Variants in PERM1 observed in about 807,000 individuals in gnomAD.
PERM1 encodes PGC-1 and ERR-induced regulator in muscle protein 1.
Under a neutral mutation model 44.1 loss-of-function variants are expected in PERM1, and 45 were observed. That is an observed-to-expected ratio of 1.02 (90% CI 0.80 to 1.31). PERM1 has a LOEUF of 1.31. PERM1 is among the 50% of genes most tolerant of loss of function. The probability of loss-of-function intolerance (pLI) is 0.00; values close to 1 mark genes in which losing one functional copy is unlikely to be tolerated. For synonymous variants in PERM1, 565 were observed against 477.1 expected, an observed-to-expected ratio of 1.18 and a Z score of -2.40; for missense variants, 1,189 against 1,106.9, an observed-to-expected ratio of 1.07 and a Z score of -1.05.
At chr1:976,751 C>A in intron 1 of PERM1, 127 bp from the exon 3 acceptor site, 1 of 516,882 alleles carries the variant, frequency 1.9e-6, no homozygotes, top group South Asian at 2.8e-5. Context: ...CCCCCGCCAA[C>A]CCCGGGAACC....
intron 1 of PERM1, 25 bp downstream of exon 2, chr1:978,856 G>A: frequency 6.9e-7 from 1 of 1,452,606 alleles, no homozygotes; most frequent in South Asian, 1.4e-5. Flanking sequence ...GATCTGGACG[G>A]GCTGTGGGAT....
At chr1:975,982 C>T (rs1053984140) in exon 3 of PERM1, 3 of 599,048 alleles carry the variant, frequency 5.0e-6, no homozygotes, top group South Asian at 2.2e-5. Context: ...CCCTCCCAGG[C>T]GTGGGGAGTG....
exon 3 of PERM1, chr1:975,365 C>G (rs1419280927): frequency 6.6e-6 from 1 of 152,478 alleles, no homozygotes; most frequent in Non-Finnish European, 1.5e-5. Context: ...TCTGACTCCT[C>G]TTGGCTGTGG....
exon 1 of PERM1, chr1:979,876 G>A (rs1239877026): frequency 6.5e-7 from 1 of 1,549,376 alleles, no homozygotes; most frequent in Non-Finnish European, 8.7e-7. Flanking sequence ...TGTAGACAGA[G>A]CCACACTGGA....
exon 1 of PERM1, chr1:980,147 T>C (rs1359156018): frequency 1.3e-6 from 2 of 1,550,238 alleles, no homozygotes; most frequent in Non-Finnish European, 1.7e-6. Context: ...ATGTCTGACT[T>C]AGCCCTTGAG....
chr1:979,727 CAGCCTCCGAGACAGGTGGAGATGA>C, exon 1 of PERM1: 1 of 1,550,338 alleles, frequency 6.5e-7, no homozygotes, highest in Non-Finnish European at 8.7e-7. Context: ...ATCCTCGGCA[CAGCCTCCGAGACAGGTGGAGATGA>C]AGCCACCTCT....
exon 1 of PERM1, chr1:980,273 A>C: frequency 3.2e-6 from 5 of 1,550,364 alleles, no homozygotes; most frequent in Non-Finnish European, 4.4e-6. Context: ...GACAGGCCCA[A>C]ACCTGGCCCT....
At chr1:979,905 T>C (rs1487907961) in exon 1 of PERM1, 2 of 1,549,950 alleles carry the variant, frequency 1.3e-6, no homozygotes, top group African/African-American at 2.7e-5. Context: ...CAGAAGCTGG[T>C]GTAGACACAG....
intron 1 of PERM1, 100 bp downstream of exon 2, chr1:978,781 A>AGCCCGGCCT: frequency 8.4e-7 from 1 of 1,183,994 alleles, no homozygotes; most frequent in Non-Finnish European, 1.1e-6. Flanking sequence ...GGATGACCCA[A>AGCCCGGCCT]GCCCGGCCTG....
In PERM1 at chr1:979,418, G is replaced by C. The variant is rs763464755; in HGVS notation, c.1612C>G (p.Pro538Ala). Residue 538 changes from proline (P) to alanine (A), a missense_variant, in exon 1 of 3, where the codon CCC becomes GCC. Physicochemically the swap from Pro to Ala is conservative, Grantham distance 27. Around this residue, in one of 3 missense-constraint regions of PERM1, gnomAD observed 900 missense variants for 760.4 expected, o/e 1.18. Coordinates refer to ENST00000433179, the Ensembl canonical transcript of PERM1. ...ACAGCCACAGCCTCCCAGGCTCCGG[G>C]CCCCCCGTGGGCCCCAGTTGCTGTC... The C allele has an allele frequency of 1.9e-4, 286 of 1,525,610 alleles. 1 individual carries two copies. In the East Asian group the frequency reaches 6.3e-3, roughly 34 times the overall value. The allele number at this position is 1,525,610 out of a possible 1,614,324, so 94.5% of individuals were successfully genotyped here.
At chr1:979,318 C>G in exon 1 of PERM1, 1 of 1,535,100 alleles carries the variant, frequency 6.5e-7, no homozygotes, top group South Asian at 1.2e-5. Context: ...GCTCCCGGGC[C>G]CGACCCTCGT....
chr1:979,166 C>T, exon 1 of PERM1: 1 of 1,550,080 alleles, frequency 6.5e-7, no homozygotes, highest in Non-Finnish European at 8.7e-7. Context: ...GCTCCAACGT[C>T]TGGGAAGAAG....
At chr1:981,059 C>G (rs886896485), upstream of PERM1, 9 of 1,543,376 alleles carry the variant, frequency 5.8e-6, no homozygotes, top group African/African-American at 1.4e-5. Context: ...TGGAGGGTAG[C>G]AGAATGGGTC....
chr1:980,209 C>T (rs576645567), exon 1 of PERM1: 71 of 1,550,402 alleles, frequency 4.6e-5, no homozygotes, highest in Admixed American at 7.8e-5. Context: ...CAGCTTGGCT[C>T]GGCGCGGGGT....
chr1:981,523 A>T (rs1643792673), upstream of PERM1, among the ~76,000 whole-genome samples: 2 of 152,210 alleles, frequency 1.3e-5, no homozygotes, highest in Admixed American at 6.5e-5. Flanking sequence ...GCCCTGGTCC[A>T]TCCCAGTGCG....
chr1:976,313 C>T (rs1031436993), intron 2 of PERM1, 44 bp from the exon 4 acceptor site: 10 of 1,468,460 alleles, frequency 6.8e-6, no homozygotes, highest in Non-Finnish European at 9.0e-6. Flanking sequence ...GCCTGGCTGT[C>T]GGCACCGTCT....
chr1:976,371 G>C (rs2100493838), intron 2 of PERM1, 102 bp from the exon 4 acceptor site: 2 of 1,487,972 alleles, frequency 1.3e-6, no homozygotes, highest in African/African-American at 1.4e-5. Context: ...GGTGCGGCCA[G>C]GGCCGCAGCT....
exon 3 of PERM1, chr1:975,849 A>C: frequency 3.1e-6 from 1 of 322,388 alleles, no homozygotes. Context: ...CTTCTTAGTA[A>C]AATGACCTCC....
chr1:979,055 C>T lies in PERM1; in HGVS notation c.1975G>A (p.Val659Ile), dbSNP rs771873640. 1.6e-5 allele frequency: 24 copies of T among 1,546,414 alleles called. No individual in the cohort carries two copies. In the East Asian group the frequency reaches 5.6e-4, roughly 36 times the overall value. ...TCCCCGAAGAAGAAGTGTTCATAGA[C>T]CTCAGGGATGGAGATGGGCACGGGG... Residue 659 changes from valine (V) to isoleucine (I), a missense_variant, in exon 1 of 3, where the codon GTC (valine) becomes ATC (isoleucine). This residue lies in a region of PERM1 where 900 missense variants were observed against 760.4 expected (regional missense o/e 1.18). Coordinates refer to ENST00000433179, the Ensembl canonical transcript of PERM1.
Sources: gnomAD v4.1 joint callset for allele counts (sites outside exome capture counted in the v4.1 genomes callset) on GRCh38, gnomAD v4.1.1 for gene constraint, gnomAD v4.1.1 regional missense constraint, MANE v1.5 for transcripts, NCBI Gene and HGNC (gene_info 2026-07-23, HGNC 2026-07-21) for gene names.